Variants in FCRL4 observed in about 807,000 individuals in gnomAD.
FCRL4 encodes Fc receptor like 4.
FCRL4 carries 43 observed loss-of-function variants against 64.1 expected under a neutral mutation model. That is an observed-to-expected ratio of 0.67 (90% CI 0.53 to 0.87). The LOEUF is 0.87. Ranked by LOEUF, FCRL4 falls within the 40% of genes least tolerant of loss-of-function variation. The probability of loss-of-function intolerance (pLI) is 0.00; values close to 1 mark genes in which losing one functional copy is unlikely to be tolerated. For missense variants in FCRL4, 656 were observed against 613.5 expected, an observed-to-expected ratio of 1.07 and a Z score of -0.73; for synonymous variants, 253 against 239.8, an observed-to-expected ratio of 1.05 and a Z score of -0.51.
rs370898137 is a variant in FCRL4, at chr1:157,581,636, C to G, written c.1144G>C (p.Gly382Arg). The change falls in exon 7 of 12, where the codon GGC becomes CGC. Residue 382 changes from glycine (G) to arginine (R), a missense_variant. Transcript: ENST00000271532. ...GCGGCGACAAGGCCATCTCTGTTGC[C>G]TGGGGTCTCTAAGGGGAAAGGACCT... ...VLNVTVRETP[G>R]NRDGLVAAGA... The G allele has an allele frequency of 8.7e-6, 14 of 1,613,600 alleles. No individual in the cohort carries two copies. In the South Asian group the frequency reaches 1.4e-4, roughly 16 times the overall value.
intron 2 of FCRL4, among the ~76,000 whole-genome samples, chr1:157,593,134 T>C (rs998209816): frequency 1.3e-5 from 2 of 152,100 alleles, no homozygotes; most frequent in Non-Finnish European, 2.9e-5. Context: ...ATACCTAATG[T>C]AAATGACAAG....
Position 157,591,467 on chromosome 1 carries a change from A to G in FCRL4, c.53-2009T>C, listed in dbSNP as rs151317986. 2.1e-3 allele frequency among the ~76,000 whole-genome samples: 322 copies of G among 152,296 alleles called. 2 individuals are homozygous for G. Among genetic ancestry groups the G allele is most frequent in the African/African-American group, 7.5e-3 (312 of 41,566 alleles). ...GACAGGGGTTGTAGATGGAGTGAATATAGAAATTGGGAGGTCAATTAGACA... is the reference window on the plus strand; with the variant it reads ...GACAGGGGTTGTAGATGGAGTGAATGTAGAAATTGGGAGGTCAATTAGACA... On this transcript the variant is annotated intron_variant, in intron 2 of 11. Transcript: ENST00000271532.
In FCRL4 at chr1:157,586,363, C is replaced by T. The variant is rs779431310; in HGVS notation, c.940G>A (p.Glu314Lys). 46 of 1,613,538 alleles carry T rather than the reference C, an allele frequency of 2.9e-5. No individual in the cohort carries two copies. The highest frequency in any genetic ancestry group is 7.7e-5 in the South Asian group (7 of 91,068). Reference protein sequence around the residue: ...EMLVLVCSVAEGTGDTTFSWH... With the variant: ...EMLVLVCSVAKGTGDTTFSWH... ...GAGAATGTGGTATCCCCTGTGCCTT[C>T]AGCCACGGAGCAGACAAGGACCAGC... The change falls in exon 6 of 12, where the codon GAA (glutamate) becomes AAA (lysine). Residue 314 changes from glutamate to lysine, a missense_variant. Coordinates refer to ENST00000271532, the MANE Select transcript of FCRL4 (RefSeq NM_031282.3).
At chr1:157,584,239 A>C (rs1652623884) in intron 6 of FCRL4, among the ~76,000 whole-genome samples, 3 of 152,168 alleles carry the variant, frequency 2.0e-5, no homozygotes, top group Admixed American at 2.0e-4. Context: ...GAGTCTTTCG[A>C]GGGAGCCCTT....
rs1469407305 is a variant in FCRL4 at position 157,575,087 on chromosome 1, G to A, written c.*437C>T. ...GCCACTCACAGTTAAACAAACTGAT[G>A]CAAGTGAGTCTCCAGTGAGACAATG... On this transcript the variant is annotated 3_prime_UTR_variant, in exon 12 of 12. Coordinates refer to ENST00000271532, the MANE Select transcript of FCRL4 (RefSeq NM_031282.3). 3.7e-6 allele frequency: 1 copy of A among 272,826 alleles called. No homozygotes were observed. Among genetic ancestry groups the A allele is most frequent in the African/African-American group, 2.2e-5 (1 of 45,966 alleles). The allele number at this position is 272,826 out of a possible 1,614,324, so 16.9% of individuals were successfully genotyped here.
At chr1:157,580,221 G>A in intron 8 of FCRL4, 100 bp downstream of exon 8, 1 of 1,282,900 alleles carries the variant, frequency 7.8e-7, no homozygotes, top group Admixed American at 1.7e-5. Flanking sequence ...TCTAGCCACA[G>A]GGCCAAAGAG....
chr1:157,578,938 A>C, intron 8 of FCRL4, 86 bp from the exon 9 acceptor site: 1 of 1,137,720 alleles, frequency 8.8e-7, no homozygotes, highest in Non-Finnish European at 1.2e-6. Context: ...GCAGAGGAGA[A>C]AGAGGATTTG....
chr1:157,597,974 T>C lies in FCRL4; in HGVS notation c.-30A>G, dbSNP rs1294334348. 3 of 1,604,872 alleles carry C rather than the reference T, an allele frequency of 1.9e-6. No homozygotes were observed. Among genetic ancestry groups the C allele is most frequent in the Non-Finnish European group, 2.6e-6 (3 of 1,173,114 alleles). On this transcript the variant is annotated 5_prime_UTR_variant, in exon 1 of 12. Transcript: ENST00000271532. ...GCCTGCTCCAGGATTGGAGAAGGAG[T>C]TCTGAGGAGACAAGCCAGGTCAGCC...
At chr1:157,589,975 T>C (rs937927149) in intron 2 of FCRL4, among the ~76,000 whole-genome samples, 2 of 152,214 alleles carry the variant, frequency 1.3e-5, no homozygotes, top group African/African-American at 4.8e-5. Flanking sequence ...TTTTCCTTTA[T>C]AAGTAAAAAA....
At position 157,588,092 on chromosome 1, in the gene FCRL4, G is replaced by A. The variant is rs1303614791; in HGVS notation, c.335C>T (p.Ser112Phe). 6.2e-7 allele frequency: 1 copy of A among 1,613,674 alleles called. No homozygotes were observed. Among genetic ancestry groups the A allele is most frequent in the Non-Finnish European group, 8.5e-7 (1 of 1,179,840 alleles). ...AACCAATGTGTCACCTTCAAACACA[G>A]AATATGGTGCCTGCAGGATTAAGGA... ...SDSLILQAPY[S>F]VFEGDTLVLR... The change falls in exon 4 of 12, where the codon TCT (serine) becomes TTT (phenylalanine). Residue 112 changes from serine to phenylalanine, a missense_variant. By Grantham distance (155) the Ser-to-Phe change is radical. Transcript: ENST00000271532.
chr1:157,581,720 G>A (rs1049711441), intron 6 of FCRL4, 76 bp from the exon 7 acceptor site: 4 of 1,146,248 alleles, frequency 3.5e-6, no homozygotes, highest in East Asian at 2.6e-5. Flanking sequence ...AGCTTGGTTG[G>A]GTAACGAGCC....
chr1:157,582,729 C>G (rs1652589784), intron 6 of FCRL4, among the ~76,000 whole-genome samples: 1 of 152,202 alleles, frequency 6.6e-6, no homozygotes. Context: ...AACAAACCTG[C>G]CCTTTGACCT....
In FCRL4 at chr1:157,587,443, A is replaced by G. The variant is rs1409817411; in HGVS notation, c.680T>C (p.Phe227Ser). Residue 227 changes from phenylalanine to serine, a missense_variant, in exon 5 of 12, where the codon TTC (phenylalanine) becomes TCC (serine). Coordinates refer to ENST00000271532, the MANE Select transcript of FCRL4 (RefSeq NM_031282.3). ...PPERSDTPLH[F>S]NFFRDGEVIL... ...GACCTCGCCATCTCTGAAGAAGTTG[A>G]AGTGAAGTGGGGTGTCTGACCGCTC... The G allele has an allele frequency of 8.1e-6, 13 of 1,614,088 alleles. No individual in the cohort carries two copies. Among genetic ancestry groups the G allele is most frequent in the Non-Finnish European group, 8.5e-6 (10 of 1,180,034 alleles).
At position 157,575,465 on chromosome 1, in the gene FCRL4, G is replaced by C; in HGVS notation, c.*59C>G. On this transcript the variant is annotated 3_prime_UTR_variant, in exon 12 of 12. Transcript: ENST00000271532. Reference sequence around the variant, plus strand: ...GGGCCGCAAGGACTGCACTGGGCCTGGGACTTTGGACAAGGGAGAAATCAC... The same window carrying C: ...GGGCCGCAAGGACTGCACTGGGCCTCGGACTTTGGACAAGGGAGAAATCAC... The C allele has an allele frequency of 1.0e-5, 14 of 1,336,588 alleles. No homozygotes were observed. The South Asian group carries it at 1.7e-4, about 16-fold the overall frequency. The allele number at this position is 1,336,588 out of a possible 1,614,324, so 82.8% of individuals were successfully genotyped here. A position where few individuals can be genotyped will look rare whatever the true frequency, so the allele number is the denominator to read the frequency against.
At chr1:157,593,273 C>A (rs1652879003) in intron 2 of FCRL4, among the ~76,000 whole-genome samples, 1 of 152,000 alleles carries the variant, frequency 6.6e-6, no homozygotes, top group Non-Finnish European at 1.5e-5. Flanking sequence ...GGCTCACAAC[C>A]CAGGGAAGTC....
intron 3 of FCRL4, 92 bp downstream of exon 3, chr1:157,589,112 G>C: frequency 7.2e-7 from 1 of 1,386,118 alleles, no homozygotes; most frequent in Non-Finnish European, 9.9e-7. Flanking sequence ...GGGTTAGAGA[G>C]GAATGAAAGA....
chr1:157,574,499 C>T lies in FCRL4; in HGVS notation c.*1025G>A, dbSNP rs548928436. On this transcript the variant is annotated 3_prime_UTR_variant, in exon 12 of 12. Transcript: ENST00000271532. ...AACCAGTAGGTGTATCATGAAATAT[C>T]CATACAAATTTGTGGCTTCCTATTT... 5 of 210,210 alleles carry T rather than the reference C, an allele frequency of 2.4e-5. No homozygotes were observed. Among genetic ancestry groups the T allele is most frequent in the Non-Finnish European group, 4.8e-5 (5 of 103,550 alleles). 13.0% of individuals were successfully genotyped at this position (210,210 alleles called of 1,614,324 possible). A position where few individuals can be genotyped will look rare whatever the true frequency, so the allele number is the denominator to read the frequency against.
Position 157,578,490 on chromosome 1 carries a change from C to A in FCRL4, c.1413G>T (p.Leu471=). Residue 471 remains leucine, a synonymous_variant, in exon 10 of 12, where the codon CTG becomes CTT. Transcript: ENST00000271532. Reference sequence around the variant, plus strand: ...AAGACGTACCTTCCTCTTCTTCTCCCAGCTGAGTAGTCTGGATCTCAGAGT... The same window carrying A: ...AAGACGTACCTTCCTCTTCTTCTCCAAGCTGAGTAGTCTGGATCTCAGAGT... ...LVYSEIQTTQ[L]GEEEEANTSR... 6.2e-7 allele frequency: 1 copy of A among 1,613,770 alleles called. No individual in the cohort carries two copies. Among genetic ancestry groups the A allele is most frequent in the Non-Finnish European group, 8.5e-7 (1 of 1,179,638 alleles).
chr1:157,587,043 A>G (rs960159011), intron 5 of FCRL4, among the ~76,000 whole-genome samples: 18 of 152,340 alleles, frequency 1.2e-4, no homozygotes, highest in African/African-American at 3.8e-4. Flanking sequence ...ACCTAACTCC[A>G]TGAGTCAGCT....
Sources: gnomAD v4.1 joint callset for allele counts (sites outside exome capture counted in the v4.1 genomes callset) on GRCh38, gnomAD v4.1.1 for gene constraint, MANE v1.5 for transcripts, NCBI Gene and HGNC (gene_info 2026-07-23, HGNC 2026-07-21) for gene names.